The following EPHA4 variants were observed in gnomAD, a reference collection of about 807,000 sequenced individuals.
The protein encoded by EPHA4 is EPH receptor A4.
In EPHA4, 19 loss-of-function variants were observed where a neutral mutation model predicts 108.3. The ratio of observed to expected loss-of-function variants is 0.18; its 90% confidence interval spans 0.12 to 0.26. The LOEUF (loss-of-function observed/expected upper bound fraction) is 0.26, where lower values mean the gene tolerates loss of function less well. Among genes scored for constraint, EPHA4 ranks in the 10% least tolerant of loss-of-function variants. EPHA4 has a pLI of 1.00. For synonymous variants in EPHA4, 449 were observed against 455.5 expected, an observed-to-expected ratio of 0.99 and a Z score of 0.18; for missense variants, 917 against 1,254.0, an observed-to-expected ratio of 0.73 and a Z score of 4.06.
chr2:221,484,120 G>C (rs1402621511), intron 4 of EPHA4, among the ~76,000 whole-genome samples: 1 of 152,184 alleles, frequency 6.6e-6, no homozygotes, highest in East Asian at 1.9e-4. Flanking sequence ...CTCAGGAAAA[G>C]AAAGTTAACA....
chr2:221,504,608 A>T (rs1279871714), intron 3 of EPHA4, among the ~76,000 whole-genome samples: 1 of 151,788 alleles, frequency 6.6e-6, no homozygotes, highest in African/African-American at 2.4e-5. Flanking sequence ...AGAATAATTG[A>T]TAGTATCTGA....
chr2:221,522,741 TTATTATTATTATTATTA>T (rs1693199952), intron 3 of EPHA4, among the ~76,000 whole-genome samples: 2 of 17,280 alleles, frequency 1.2e-4, no homozygotes, highest in African/African-American at 1.6e-3. Flanking sequence ...AATCCTATTA[TTATTATTATTATTATTA>T]TTATTATTAT....
intron 8 of EPHA4, among the ~76,000 whole-genome samples, chr2:221,453,449 G>A (rs1027981350): frequency 1.3e-5 from 2 of 152,072 alleles, no homozygotes; most frequent in African/African-American, 4.8e-5. Context: ...TATATGCACA[G>A]CATGCGTACA....
chr2:221,525,364 G>A lies in EPHA4; in HGVS notation c.824-24192C>T, dbSNP rs145596807. ...GTGGTCTGGATAGTAGAGCTGTGGAGGAAAACGAGTTACCATATGCTCCGT... is the reference window on the plus strand; with the variant it reads ...GTGGTCTGGATAGTAGAGCTGTGGAAGAAAACGAGTTACCATATGCTCCGT... On this transcript the variant is annotated intron_variant, in intron 3 of 17. Transcript: ENST00000281821. Among the ~76,000 whole-genome samples the A allele has an allele frequency of 7.4e-3, 1,130 of 152,270 alleles. 7 individuals are homozygous for A. Among genetic ancestry groups the A allele is most frequent in the South Asian group, 0.026 (125 of 4,808 alleles).
intron 3 of EPHA4, among the ~76,000 whole-genome samples, chr2:221,539,328 A>G (rs1240964640): frequency 6.6e-6 from 1 of 152,222 alleles, no homozygotes; most frequent in African/African-American, 2.4e-5. Context: ...CAAATAGCTA[A>G]TAAATGGCAG....
intron 13 of EPHA4, among the ~76,000 whole-genome samples, chr2:221,434,493 AC>A (rs1690172006): frequency 1.3e-5 from 2 of 151,142 alleles, no homozygotes; most frequent in African/African-American, 5.0e-5. Context: ...CAGGGAAGTG[AC>A]TAAGTAATCT....
At chr2:221,533,044 ATTTGT>A (rs916440559) in intron 3 of EPHA4, 1 of 152,128 alleles carries the variant, frequency 6.6e-6, no homozygotes, top group Non-Finnish European at 1.5e-5. Context: ...TTTGGGGGTG[ATTTGT>A]TTAGTTGGAA....
At chr2:221,426,887 AG>A (rs1306464162) in intron 15 of EPHA4, among the ~76,000 whole-genome samples, 1 of 152,202 alleles carries the variant, frequency 6.6e-6, no homozygotes, top group Non-Finnish European at 1.5e-5. Context: ...TGCTCATAGC[AG>A]GTCTTTTAAC....
intron 1 of EPHA4, among the ~76,000 whole-genome samples, chr2:221,570,326 C>A (rs6752451): frequency 0.034 from 3,472 of 103,196 alleles, 85 homozygotes; most frequent in East Asian, 0.15. Flanking sequence ...CCCCCCCCCC[C>A]AAAAAAAGAG....
chr2:221,478,348 C>T (rs1691722541), intron 5 of EPHA4, among the ~76,000 whole-genome samples: 1 of 152,122 alleles, frequency 6.6e-6, no homozygotes, highest in African/African-American at 2.4e-5. Flanking sequence ...TGAAAGTAAA[C>T]CAAAGGAAAG....
At chr2:221,465,927 G>A (rs1166955631) in intron 5 of EPHA4, among the ~76,000 whole-genome samples, 1 of 152,212 alleles carries the variant, frequency 6.6e-6, no homozygotes, top group Non-Finnish European at 1.5e-5. Context: ...ATAAACTGTA[G>A]AAGTACTGTG....
chr2:221,519,888 C>T (rs1693107862), intron 3 of EPHA4, among the ~76,000 whole-genome samples: 1 of 152,044 alleles, frequency 6.6e-6, no homozygotes, highest in Admixed American at 6.6e-5. Context: ...AAGCAGTTTA[C>T]CTCCAATGCA....
intron 11 of EPHA4, among the ~76,000 whole-genome samples, chr2:221,441,793 C>T (rs951237503): frequency 2.0e-5 from 3 of 152,148 alleles, no homozygotes; most frequent in Non-Finnish European, 2.9e-5. Context: ...AGTCACACCC[C>T]ATTACAAGTC....
chr2:221,549,747 G>A (rs1694106072), intron 3 of EPHA4, among the ~76,000 whole-genome samples: 1 of 152,214 alleles, frequency 6.6e-6, no homozygotes, highest in African/African-American at 2.4e-5. Flanking sequence ...AGCACTTTGG[G>A]GGGCCCAGGC....
At chr2:221,504,558 T>C (rs1180959428) in intron 3 of EPHA4, among the ~76,000 whole-genome samples, 2 of 151,200 alleles carry the variant, frequency 1.3e-5, no homozygotes, top group Admixed American at 6.6e-5. Context: ...TATATATATA[T>C]ATATATGGCT....
chr2:221,498,618 GTT>G (rs950143702), intron 4 of EPHA4, among the ~76,000 whole-genome samples: 2 of 145,964 alleles, frequency 1.4e-5, no homozygotes, highest in Admixed American at 6.9e-5. Context: ...TTCTGTTTTC[GTT>G]TTTTTTTTTC....
intron 15 of EPHA4, among the ~76,000 whole-genome samples, chr2:221,429,349 C>T (rs1690004890): frequency 6.6e-6 from 1 of 152,140 alleles, no homozygotes; most frequent in Admixed American, 6.5e-5. Flanking sequence ...AAATAACTAC[C>T]TCTTTCAGGT....
chr2:221,470,454 C>T (rs1691446030), intron 5 of EPHA4, among the ~76,000 whole-genome samples: 1 of 151,500 alleles, frequency 6.6e-6, no homozygotes, highest in Non-Finnish European at 1.5e-5. Flanking sequence ...TAGGGAAGTT[C>T]CAAACACAGG....
chr2:221,529,726 C>A (rs1693451047), intron 3 of EPHA4, among the ~76,000 whole-genome samples: 1 of 152,202 alleles, frequency 6.6e-6, no homozygotes, highest in African/African-American at 2.4e-5. Context: ...ACACTTTCTG[C>A]AAAGTTGCTG....
Sources: allele counts gnomAD v4.1 joint callset (sites outside exome capture counted in the v4.1 genomes callset), GRCh38; gene constraint gnomAD v4.1.1; transcripts MANE v1.5; gene names NCBI Gene and HGNC (gene_info 2026-07-23, HGNC 2026-07-21).